Variants in TRAPPC9 observed in about 807,000 individuals in gnomAD.
The protein encoded by TRAPPC9 is IKK2 binding protein.
A neutral mutation model predicts 124.0 loss-of-function variants in TRAPPC9; 83 were observed. That is an observed-to-expected ratio of 0.67 (90% CI 0.56 to 0.80). The LOEUF (loss-of-function observed/expected upper bound fraction) is 0.80. TRAPPC9 is among the 30% of genes least tolerant of loss of function. TRAPPC9 has a pLI of 0.00. For synonymous variants in TRAPPC9, 638 were observed against 617.5 expected (o/e 1.03, Z -0.49); for missense variants, 1,302 against 1,508.3 (o/e 0.86, Z 2.27).
intron 16 of TRAPPC9, among the ~76,000 whole-genome samples, chr8:140,242,718 GT>G (rs1442349491): frequency 1.3e-5 from 2 of 152,228 alleles, no homozygotes; most frequent in Non-Finnish European, 2.9e-5. Flanking sequence ...TGTATGGTAA[GT>G]ATTAAGGACA....
intron 19 of TRAPPC9, among the ~76,000 whole-genome samples, chr8:139,922,058 AAAC>A (rs1372416778): frequency 1.3e-5 from 2 of 152,264 alleles, no homozygotes; most frequent in African/African-American, 4.8e-5. Context: ...CACAGAGAAG[AAAC>A]AACAGAAGAA....
intron 20 of TRAPPC9, among the ~76,000 whole-genome samples, chr8:139,894,886 G>C (rs1830565922): frequency 6.6e-6 from 1 of 152,162 alleles, no homozygotes; most frequent in Non-Finnish European, 1.5e-5. Flanking sequence ...CTAAATCTCA[G>C]AGTCGTCCAA....
intron 13 of TRAPPC9, 30 bp from the exon 14 acceptor site, chr8:140,284,051 A>G (rs749228603): frequency 1.2e-6 from 2 of 1,613,488 alleles, no homozygotes; most frequent in Admixed American, 1.7e-5. Context: ...TCTTCACTCC[A>G]CTGGCAAGGC....
At chr8:139,780,545 C>T (rs748484794) in intron 21 of TRAPPC9, among the ~76,000 whole-genome samples, 1 of 151,952 alleles carries the variant, frequency 6.6e-6, no homozygotes, top group Non-Finnish European at 1.5e-5. Context: ...GATTGCAGAA[C>T]TAAATGCAAA....
At chr8:140,090,312 C>T (rs1444968231) in intron 17 of TRAPPC9, among the ~76,000 whole-genome samples, 1 of 152,088 alleles carries the variant, frequency 6.6e-6, no homozygotes, top group Non-Finnish European at 1.5e-5. Context: ...CAGACACTGC[C>T]TCCCGCCCCA....
At chr8:140,164,257 G>A (rs1185338066) in intron 17 of TRAPPC9, among the ~76,000 whole-genome samples, 2 of 152,168 alleles carry the variant, frequency 1.3e-5, no homozygotes, top group Non-Finnish European at 2.9e-5. Flanking sequence ...TACCCCAGTG[G>A]CTCCTCAGCA....
intron 21 of TRAPPC9, among the ~76,000 whole-genome samples, chr8:139,847,553 G>A (rs1030733905): frequency 6.6e-6 from 1 of 151,916 alleles, no homozygotes; most frequent in Non-Finnish European, 1.5e-5. Flanking sequence ...ATGGGCACGA[G>A]CACCTGTCCC....
chr8:140,089,299 G>A (rs1432531351), intron 17 of TRAPPC9, among the ~76,000 whole-genome samples: 3 of 152,114 alleles, frequency 2.0e-5, no homozygotes, highest in African/African-American at 7.2e-5. Flanking sequence ...TCTTTCAGAG[G>A]TCAGAAATAC....
chr8:139,918,094 C>G (rs1832266476), intron 19 of TRAPPC9, among the ~76,000 whole-genome samples: 1 of 152,226 alleles, frequency 6.6e-6, no homozygotes, highest in Admixed American at 6.5e-5. Context: ...GCCTCGCACT[C>G]CTTCAATCAT....
rs528303373 is a variant in TRAPPC9 at position 139,987,068 on chromosome 8, G to A, written c.2810+1658C>T. On this transcript the variant is annotated intron_variant, in intron 19 of 22. Coordinates refer to ENST00000438773, the MANE Select transcript of TRAPPC9 (RefSeq NM_001160372.4). ...TTCACCCAGCATCCTGTTCCTGAGA[G>A]TTGCAAGTGCTGTTCTGTGTATGAG... Among the ~76,000 whole-genome samples, 3 of 152,318 alleles carry A rather than the reference G, an allele frequency of 2.0e-5. No homozygotes were observed. In the East Asian group the frequency reaches 5.8e-4, roughly 29 times the overall value.
At chr8:140,121,427 G>C (rs1178220382) in intron 17 of TRAPPC9, among the ~76,000 whole-genome samples, 2 of 152,212 alleles carry the variant, frequency 1.3e-5, no homozygotes, top group Non-Finnish European at 2.9e-5. Flanking sequence ...GAGCCATGGG[G>C]AAATCACAGT....
intron 17 of TRAPPC9, among the ~76,000 whole-genome samples, chr8:140,035,772 G>T (rs1401217019): frequency 6.6e-6 from 1 of 152,182 alleles, no homozygotes; most frequent in African/African-American, 2.4e-5. Context: ...ACTTCACCGG[G>T]AATCGGCCTG....
chr8:140,036,197 TAAAGGCATGACCTGA>T (rs1266707129), intron 17 of TRAPPC9, among the ~76,000 whole-genome samples: 1 of 149,200 alleles, frequency 6.7e-6, no homozygotes, highest in East Asian at 2.0e-4. Context: ...ACTTTTTAGC[TAAAGGCATGACCTGA>T]ACGACTTCTT....
intron 19 of TRAPPC9, among the ~76,000 whole-genome samples, chr8:139,965,354 C>A (rs1835632744): frequency 6.6e-6 from 1 of 152,136 alleles, no homozygotes; most frequent in Non-Finnish European, 1.5e-5. Context: ...ACCTTTTCCC[C>A]AGGATGACAC....
chr8:140,028,264 A>G (rs1840279880), intron 17 of TRAPPC9, among the ~76,000 whole-genome samples: 2 of 152,186 alleles, frequency 1.3e-5, no homozygotes. Context: ...TTCCCATCTG[A>G]GAGCATTTTT....
At chr8:140,402,117 A>T (rs1338150562) in intron 6 of TRAPPC9, among the ~76,000 whole-genome samples, 1 of 152,092 alleles carries the variant, frequency 6.6e-6, no homozygotes, top group African/African-American at 2.4e-5. Context: ...CTGTAATCGC[A>T]GCGTCTCAGG....
intron 21 of TRAPPC9, among the ~76,000 whole-genome samples, chr8:139,733,083 A>T (rs1235110445): frequency 6.6e-6 from 1 of 152,116 alleles, no homozygotes; most frequent in African/African-American, 2.4e-5. Flanking sequence ...ATACGTGAGA[A>T]TGTGACCGTA....
Position 139,732,190 on chromosome 8 carries a change from T to C in TRAPPC9, c.3068A>G (p.Asp1023Gly), listed in dbSNP as rs766638541. The change falls in exon 22 of 23, where the codon GAC (aspartate) becomes GGC (glycine). Residue 1023 changes from aspartate to glycine, a missense_variant. This residue lies in a region of TRAPPC9 where 640 missense variants were observed against 679.3 expected (regional missense o/e 0.94). Coordinates refer to ENST00000438773, the MANE Select transcript of TRAPPC9 (RefSeq NM_001160372.4). Reference sequence around the variant, plus strand: ...AGCCTCGCGGTCACATGGCTGTCCGTCCACCAGCACATCTGTAAGGGACAC... The same window carrying C: ...AGCCTCGCGGTCACATGGCTGTCCGCCCACCAGCACATCTGTAAGGGACAC... ...LAPLQWDVLV[D>G]GQPCDREAVA... 6.3e-7 allele frequency: 1 copy of C among 1,591,594 alleles called. No individual in the cohort carries two copies. Among genetic ancestry groups the C allele is most frequent in the East Asian group, 2.3e-5 (1 of 44,364 alleles).
At chr8:140,351,796 G>C (rs1039574389) in intron 9 of TRAPPC9, among the ~76,000 whole-genome samples, 1 of 152,126 alleles carries the variant, frequency 6.6e-6, no homozygotes, top group Non-Finnish European at 1.5e-5. Context: ...CAGTGGGCTG[G>C]CATGACCACA....
Sources: allele counts gnomAD v4.1 joint callset (sites outside exome capture counted in the v4.1 genomes callset), GRCh38; gene constraint gnomAD v4.1.1; regional missense constraint gnomAD v4.1.1; transcripts MANE v1.5; gene names NCBI Gene and HGNC (gene_info 2026-07-23, HGNC 2026-07-21).